The following RAB11FIP4 variants were observed in gnomAD, a reference collection of about 807,000 sequenced individuals.
RAB11FIP4 encodes the protein rab11 family-interacting protein 4.
RAB11FIP4 carries 23 observed loss-of-function variants against 74.3 expected under a neutral mutation model. That is an observed-to-expected ratio of 0.31 (90% CI 0.22 to 0.44). The LOEUF (loss-of-function observed/expected upper bound fraction) is 0.44, where lower values mean the gene tolerates loss of function less well. RAB11FIP4 is among the 20% of genes least tolerant of loss of function. The pLI is 1.00. For synonymous variants in RAB11FIP4, 360 were observed against 359.9 expected (o/e 1.00, Z 0.00); for missense variants, 630 against 863.9 (o/e 0.73, Z 3.39).
At chr17:31,459,661 G>T (rs559466763) in intron 3 of RAB11FIP4, among the ~76,000 whole-genome samples, 2 of 151,404 alleles carry the variant, frequency 1.3e-5, no homozygotes, top group African/African-American at 4.9e-5. Flanking sequence ...TGCCCATGCT[G>T]TTCCCTCTCC....
chr17:31,398,471 G>A (rs2151613408), intron 1 of RAB11FIP4, among the ~76,000 whole-genome samples: 1 of 152,298 alleles, frequency 6.6e-6, no homozygotes, highest in African/African-American at 2.4e-5. Context: ...TGGGGGGTGG[G>A]GGGTGTGATC....
chr17:31,451,390 C>T (rs1259123573), intron 3 of RAB11FIP4, among the ~76,000 whole-genome samples: 2 of 141,640 alleles, frequency 1.4e-5, no homozygotes, highest in African/African-American at 2.6e-5. Context: ...ACCCGGGAGG[C>T]GGAGGTTGCA....
chr17:31,533,517 G>T lies in RAB11FIP4; in HGVS notation c.*1785G>T. On this transcript the variant is annotated 3_prime_UTR_variant, in exon 15 of 15. Coordinates refer to ENST00000621161, the MANE Select transcript of RAB11FIP4 (RefSeq NM_032932.6). ...GGGTCTCTTGAGAATTTGCCAATAGGAAGGAGTGGCCACGGCTGAAAGGAA... is the reference window on the plus strand; with the variant it reads ...GGGTCTCTTGAGAATTTGCCAATAGTAAGGAGTGGCCACGGCTGAAAGGAA... The T allele has an allele frequency of 6.6e-6, 1 of 152,446 alleles. No individual in the cohort carries two copies. Among genetic ancestry groups the T allele is most frequent in the East Asian group, 1.9e-4 (1 of 5,182 alleles). The allele number at this position is 152,446 out of a possible 1,614,324, so 9.4% of individuals were successfully genotyped here.
chr17:31,495,917 A>G (rs1461443846), intron 3 of RAB11FIP4, among the ~76,000 whole-genome samples: 1 of 152,060 alleles, frequency 6.6e-6, no homozygotes, highest in African/African-American at 2.4e-5. Flanking sequence ...CTTACATGGT[A>G]TTTTCTGGGA....
chr17:31,479,458 T>C (rs1206737793), intron 3 of RAB11FIP4, among the ~76,000 whole-genome samples: 2 of 152,176 alleles, frequency 1.3e-5, no homozygotes, highest in Non-Finnish European at 2.9e-5. Context: ...CCCCAGGTGA[T>C]TACTGTGTGC....
chr17:31,470,348 A>T (rs1326482202), intron 3 of RAB11FIP4, among the ~76,000 whole-genome samples: 1 of 152,044 alleles, frequency 6.6e-6, no homozygotes, highest in Non-Finnish European at 1.5e-5. Context: ...CCCCTGGCAC[A>T]TTTCTTCCTG....
At chr17:31,463,226 A>G (rs2142719162) in intron 3 of RAB11FIP4, among the ~76,000 whole-genome samples, 1 of 152,262 alleles carries the variant, frequency 6.6e-6, no homozygotes, top group African/African-American at 2.4e-5. Context: ...CCTGGGTTTG[A>G]GCCCCAGCCC....
At chr17:31,513,065 G>A (rs1256847665) in intron 3 of RAB11FIP4, among the ~76,000 whole-genome samples, 5 of 152,094 alleles carry the variant, frequency 3.3e-5, no homozygotes, top group Admixed American at 6.6e-5. Flanking sequence ...TGGGGTGAGC[G>A]GGCAGCTCTC....
chr17:31,393,448 G>A (rs1382120911), intron 1 of RAB11FIP4, among the ~76,000 whole-genome samples: 7 of 152,174 alleles, frequency 4.6e-5, no homozygotes, highest in African/African-American at 4.8e-5. Context: ...TGGAGTCCCC[G>A]AACTCAGAGC....
At position 31,459,822 on chromosome 17, in the gene RAB11FIP4, G is replaced by T. The variant is rs999590609; in HGVS notation, c.336+25700G>T. ...CCCAGATACCTCTGCCTGACAGTGG[G>T]TTGTGCCCCAGAGGGGCTCCTCTGT... On this transcript the variant is annotated intron_variant, in intron 3 of 14. Coordinates refer to ENST00000621161, the MANE Select transcript of RAB11FIP4 (RefSeq NM_032932.6). Among the ~76,000 whole-genome samples, 5 of 151,540 alleles carry T rather than the reference G, an allele frequency of 3.3e-5. No homozygotes were observed. In the East Asian group the frequency reaches 7.8e-4, roughly 24 times the overall value.
chr17:31,502,782 C>T (rs1410459831), intron 3 of RAB11FIP4, among the ~76,000 whole-genome samples: 4 of 152,010 alleles, frequency 2.6e-5, no homozygotes, highest in African/African-American at 4.8e-5. Flanking sequence ...GACTGCGTGG[C>T]GTAAACAACC....
At chr17:31,492,788 C>T (rs1597952475) in intron 3 of RAB11FIP4, among the ~76,000 whole-genome samples, 1 of 152,096 alleles carries the variant, frequency 6.6e-6, no homozygotes, top group Non-Finnish European at 1.5e-5. Context: ...ATGCTGGGGG[C>T]GCCCAGCTGG....
At position 31,538,161 on chromosome 17, in the gene RAB11FIP4, G is replaced by A. The variant is rs1043990; in HGVS notation, c.*6429G>A. 0.14 allele frequency: 21,258 copies of A among 152,320 alleles called. 1,563 individuals are homozygous for A. Among genetic ancestry groups the A allele is most frequent in the Middle Eastern group, 0.21 (63 of 298 alleles). The allele number at this position is 152,320 out of a possible 1,614,324, so 9.4% of individuals were successfully genotyped here. A position where few individuals can be genotyped will look rare whatever the true frequency, so the allele number is the denominator to read the frequency against. ...AGGCTGTTGGTGGCAGGCTCCTCCCGGGGAGCTGTACTGTACAGACCAAGG... is the reference window on the plus strand; with the variant it reads ...AGGCTGTTGGTGGCAGGCTCCTCCCAGGGAGCTGTACTGTACAGACCAAGG... On this transcript the variant is annotated 3_prime_UTR_variant, in exon 15 of 15. Coordinates refer to ENST00000621161, the MANE Select transcript of RAB11FIP4 (RefSeq NM_032932.6).
rs970434984 is a variant in RAB11FIP4, at chr17:31,398,056, CT to C, written c.159+6056del. ...TGCTCAGCTAATTTTTTGTCAGACA[CT>C]TTTTTTTTTTGAGACGGAGTCTCAC... On this transcript the variant is annotated intron_variant, in intron 1 of 14. Coordinates refer to ENST00000621161, the MANE Select transcript of RAB11FIP4 (RefSeq NM_032932.6). Among the ~76,000 whole-genome samples, 66 of 147,380 alleles carry C rather than the reference CT, an allele frequency of 4.5e-4. 1 individual carries two copies. The highest frequency in any genetic ancestry group is 1.0e-3 in the African/African-American group (42 of 40,444).
At chr17:31,476,572 C>T (rs2071795141) in intron 3 of RAB11FIP4, among the ~76,000 whole-genome samples, 1 of 152,224 alleles carries the variant, frequency 6.6e-6, no homozygotes, top group African/African-American at 2.4e-5. Flanking sequence ...AGAGCTGGGG[C>T]TGAAACCTGG....
intron 3 of RAB11FIP4, among the ~76,000 whole-genome samples, chr17:31,505,575 A>C (rs1481150500): frequency 1.3e-5 from 1 of 77,322 alleles, no homozygotes; most frequent in African/African-American, 5.3e-5. Context: ...ATATATAATA[A>C]TATATAATAA....
chr17:31,431,538 C>A lies in RAB11FIP4; in HGVS notation c.160-275C>A, dbSNP rs554948020. On this transcript the variant is annotated intron_variant, in intron 1 of 14. Transcript: ENST00000621161. Reference sequence around the variant, plus strand: ...GAGCCTCGGCTTTCATTGTGCAGTCCCTGGGGGAAGGAGGCTCGGCCCCTG... The same window carrying A: ...GAGCCTCGGCTTTCATTGTGCAGTCACTGGGGGAAGGAGGCTCGGCCCCTG... 533 of 403,256 alleles carry A rather than the reference C, an allele frequency of 1.3e-3. 1 individual carries two copies. The highest frequency in any genetic ancestry group is 1.9e-3 in the South Asian group (55 of 29,140). 25.0% of individuals were successfully genotyped at this position (403,256 alleles called of 1,614,324 possible). A position where few individuals can be genotyped will look rare whatever the true frequency, so the allele number is the denominator to read the frequency against.
chr17:31,430,234 A>C (rs1441151054), intron 1 of RAB11FIP4, among the ~76,000 whole-genome samples: 3 of 151,994 alleles, frequency 2.0e-5, no homozygotes, highest in Non-Finnish European at 4.4e-5. Flanking sequence ...GGTTTCCGTG[A>C]GGAGCTGACC....
intron 1 of RAB11FIP4, among the ~76,000 whole-genome samples, chr17:31,397,430 C>T (rs754391861): frequency 3.3e-5 from 5 of 152,176 alleles, no homozygotes; most frequent in Non-Finnish European, 7.3e-5. Context: ...ACGAGCTACT[C>T]CCAAAAGGTG....
Sources: gnomAD v4.1 joint callset for allele counts (sites outside exome capture counted in the v4.1 genomes callset) on GRCh38, gnomAD v4.1.1 for gene constraint, MANE v1.5 for transcripts, NCBI Gene and HGNC (gene_info 2026-07-23, HGNC 2026-07-21) for gene names.